The following PTH2R variants were observed in gnomAD, a reference collection of about 807,000 sequenced individuals.
The protein encoded by PTH2R is PTH2 receptor.
A neutral mutation model predicts 60.3 loss-of-function variants in PTH2R; 59 were observed. The ratio of observed to expected loss-of-function variants is 0.98; its 90% CI spans 0.79 to 1.22. PTH2R has a LOEUF of 1.22. Among genes scored for constraint, PTH2R ranks in the 50% most tolerant of loss-of-function variants. The probability of loss-of-function intolerance (pLI) is 0.00; values close to 1 mark genes in which losing one functional copy is unlikely to be tolerated. For missense variants in PTH2R, 749 were observed against 682.6 expected, an observed-to-expected ratio of 1.10 and a Z score of -1.08; for synonymous variants, 256 against 243.8, an observed-to-expected ratio of 1.05 and a Z score of -0.47.
At chr2:208,438,628 C>T (rs1332136705) in intron 4 of PTH2R, among the ~76,000 whole-genome samples, 1 of 152,028 alleles carries the variant, frequency 6.6e-6, no homozygotes, top group Non-Finnish European at 1.5e-5. Context: ...ACTTAGACCT[C>T]GTGAGTAAAA....
chr2:208,487,390 G>A (rs1703296482), intron 10 of PTH2R, among the ~76,000 whole-genome samples: 1 of 152,150 alleles, frequency 6.6e-6, no homozygotes, highest in African/African-American at 2.4e-5. Flanking sequence ...TAGTGAGAAA[G>A]GAAGAGGGTC....
chr2:208,426,224 A>G (rs1012183124), intron 1 of PTH2R, among the ~76,000 whole-genome samples: 2 of 152,206 alleles, frequency 1.3e-5, no homozygotes, highest in African/African-American at 4.8e-5. Flanking sequence ...TAGCTATCAA[A>G]TATGTGACAG....
At chr2:208,409,934 A>G (rs1701505884) in intron 1 of PTH2R, among the ~76,000 whole-genome samples, 1 of 152,134 alleles carries the variant, frequency 6.6e-6, no homozygotes, top group Non-Finnish European at 1.5e-5. Flanking sequence ...GGGAGGAGGT[A>G]ATGCTTGTGA....
chr2:208,490,421 T>C (rs914612821), intron 11 of PTH2R, among the ~76,000 whole-genome samples: 3 of 152,196 alleles, frequency 2.0e-5, no homozygotes, highest in African/African-American at 7.2e-5. Flanking sequence ...GAATGCTTTA[T>C]TTAGTGACTT....
chr2:208,492,494 A>T (rs1703425815), intron 12 of PTH2R, among the ~76,000 whole-genome samples: 1 of 152,100 alleles, frequency 6.6e-6, no homozygotes, highest in Non-Finnish European at 1.5e-5. Context: ...GGTCAGTATA[A>T]ACACGTTTAG....
upstream of PTH2R, among the ~76,000 whole-genome samples, chr2:208,406,444 G>T (rs1701407584): frequency 6.6e-6 from 1 of 152,098 alleles, no homozygotes; most frequent in African/African-American, 2.4e-5. Context: ...CCAGACGCAG[G>T]GCCTACCTGG....
intron 9 of PTH2R, among the ~76,000 whole-genome samples, chr2:208,468,782 GAA>G (rs1702813361): frequency 1.3e-5 from 2 of 152,044 alleles, no homozygotes; most frequent in Non-Finnish European, 2.9e-5. Flanking sequence ...TTTCATTGTT[GAA>G]TGTCCATCTT....
At chr2:208,392,926 C>T (rs1237512582) in intron 1 of PTH2R, among the ~76,000 whole-genome samples, 1 of 152,202 alleles carries the variant, frequency 6.6e-6, no homozygotes, top group African/African-American at 2.4e-5. Context: ...CCTCTGCCTC[C>T]AGGGAAAGAC....
chr2:208,432,222 C>T (rs1370479917), intron 2 of PTH2R, among the ~76,000 whole-genome samples: 1 of 152,190 alleles, frequency 6.6e-6, no homozygotes, highest in African/African-American at 2.4e-5. Context: ...TCGTCAGTGT[C>T]CCTTTAACAG....
At chr2:208,437,974 C>G in intron 4 of PTH2R, 93 bp downstream of exon 4, 1 of 1,466,422 alleles carries the variant, frequency 6.8e-7, no homozygotes, top group Non-Finnish European at 9.4e-7. Flanking sequence ...TATAAAAACC[C>G]TCTTATTCCA....
chr2:208,449,436 G>GAGA (rs1702355765), intron 7 of PTH2R, among the ~76,000 whole-genome samples: 2 of 64,250 alleles, frequency 3.1e-5, no homozygotes, highest in East Asian at 1.5e-3. Flanking sequence ...ATGGAGAAAT[G>GAGA]TGATAGATAG....
At chr2:208,393,819 C>T (rs971241286) in intron 1 of PTH2R, among the ~76,000 whole-genome samples, 1 of 152,134 alleles carries the variant, frequency 6.6e-6, no homozygotes, top group Non-Finnish European at 1.5e-5. Flanking sequence ...GAACTTGAAC[C>T]CTTATGGCAC....
intron 5 of PTH2R, among the ~76,000 whole-genome samples, chr2:208,443,110 T>A (rs1559221748): frequency 6.6e-6 from 1 of 152,232 alleles, no homozygotes; most frequent in Non-Finnish European, 1.5e-5. Flanking sequence ...GTATTTGGTA[T>A]TATAAGTAAT....
chr2:208,417,223 A>G (rs970587843), intron 1 of PTH2R, among the ~76,000 whole-genome samples: 3 of 152,154 alleles, frequency 2.0e-5, no homozygotes, highest in African/African-American at 7.2e-5. Flanking sequence ...AGATTTCATT[A>G]TTTATCTCTC....
chr2:208,423,486 T>A (rs913674008), intron 1 of PTH2R, among the ~76,000 whole-genome samples: 9 of 152,208 alleles, frequency 5.9e-5, no homozygotes, highest in African/African-American at 2.2e-4. Context: ...TCTTTTAAAA[T>A]TGTTGAGATT....
At chr2:208,481,622 A>G (rs13388177) in intron 10 of PTH2R, among the ~76,000 whole-genome samples, 21,563 of 152,232 alleles carry the variant, frequency 0.14, 2,594 homozygotes, top group African/African-American at 0.33. Context: ...GCATATATAT[A>G]TTAAGAAAAC....
At chr2:208,373,610 G>A (rs909224685) in intron 1 of PTH2R, among the ~76,000 whole-genome samples, 3 of 152,102 alleles carry the variant, frequency 2.0e-5, no homozygotes, top group African/African-American at 7.3e-5. Context: ...TATTTGCAGG[G>A]AGATTGCTGG....
intron 9 of PTH2R, 88 bp downstream of exon 9, chr2:208,460,049 C>T (rs2105887808): frequency 9.1e-7 from 1 of 1,102,492 alleles, no homozygotes; most frequent in East Asian, 2.4e-5. Flanking sequence ...TCACTGCATT[C>T]TACAACAGAT....
intron 2 of PTH2R, among the ~76,000 whole-genome samples, chr2:208,429,745 C>T (rs1701932991): frequency 1.3e-5 from 2 of 152,152 alleles, no homozygotes; most frequent in Non-Finnish European, 2.9e-5. Flanking sequence ...TAAATTGACA[C>T]TCTGTACCCA....
Sources: gnomAD v4.1 joint callset for allele counts (sites outside exome capture counted in the v4.1 genomes callset) on GRCh38, gnomAD v4.1.1 for gene constraint, MANE v1.5 for transcripts, NCBI Gene and HGNC (gene_info 2026-07-23, HGNC 2026-07-21) for gene names.